Variants in KTN1 observed in about 807,000 individuals in gnomAD.
KTN1 encodes kinectin 1.
Under a neutral mutation model 222.5 loss-of-function variants are expected in KTN1, and 130 were observed. The observed-to-expected ratio is 0.58, with a 90% CI of 0.51 to 0.68. The LOEUF is 0.68. Among genes scored for constraint, KTN1 ranks in the 30% least tolerant of loss-of-function variants. The pLI, the probability that KTN1 is intolerant of heterozygous loss-of-function variation, is 0.00. For missense variants in KTN1, 1,508 were observed against 1,500.4 expected (o/e 1.01, Z -0.08); for synonymous variants, 512 against 496.3 (o/e 1.03, Z -0.42).
At chr14:55,619,456 A>G in intron 5 of KTN1, 144 bp downstream of exon 5, 2 of 735,688 alleles carry the variant, frequency 2.7e-6, no homozygotes, top group East Asian at 2.5e-5. Context: ...AAATTACTTT[A>G]TATATCGTAT....
At chr14:55,644,170 T>TG in intron 18 of KTN1, 4 of 426,690 alleles carry the variant, frequency 9.4e-6, no homozygotes, top group Admixed American at 3.9e-5. Flanking sequence ...CCTCTAGTCG[T>TG]TTTTATTGTT....
chr14:55,673,432 C>A (rs1275715408), intron 40 of KTN1, 177 bp downstream of exon 40: 1 of 418,206 alleles, frequency 2.4e-6, no homozygotes, highest in African/African-American at 2.0e-5. Context: ...TTTCTTGACT[C>A]CTAAAATGAT....
rs1595337158 is a variant in KTN1, at chr14:55,678,684, A to G, written c.3948+240A>G. The G allele has an allele frequency of 9.6e-6, 4 of 416,926 alleles. No homozygotes were observed. The East Asian group carries it at 1.7e-4, about 18-fold the overall frequency. 25.8% of individuals were successfully genotyped at this position (416,926 alleles called of 1,614,324 possible). ...AATTCCTGGACTGTGGACAGGTACC[A>G]GTCAATGGCTTTTTAGGAACCAGGC... On this transcript the variant is annotated intron_variant, in intron 42 of 43. Transcript: ENST00000395314.
chr14:55,646,982 G>A lies in KTN1; in HGVS notation c.2182G>A (p.Asp728Asn). 6.5e-7 allele frequency: 1 copy of A among 1,534,610 alleles called. No homozygotes were observed. The highest frequency in any genetic ancestry group is 9.0e-7 in the Non-Finnish European group (1 of 1,110,844). ...QTLVSEQPNK[D>N]VVEQMEKCIQ... is the part of the protein sequence containing the mutation. ...GTGATTTTTATTTTAGCCTAATAAG[G>A]ATGTTGTGGAACAAATGGAAAAATG... Residue 728 changes from aspartate (D) to asparagine (N), a missense_variant, in exon 19 of 44, where the codon GAT (aspartate) becomes AAT (asparagine). By Grantham distance (23) the Asp-to-Asn change is conservative (BLOSUM62 1). Coordinates refer to ENST00000395314, the MANE Select transcript of KTN1 (RefSeq NM_001079521.2).
chr14:55,648,905 G>A (rs764199452), intron 21 of KTN1, 35 bp downstream of exon 21: 4 of 1,356,312 alleles, frequency 2.9e-6, no homozygotes, highest in Middle Eastern at 1.9e-4. Flanking sequence ...CTTTGTCTCT[G>A]TGTTTTTTGT....
chr14:55,636,871 T>C (rs1651178501), intron 10 of KTN1, among the ~76,000 whole-genome samples: 1 of 152,020 alleles, frequency 6.6e-6, no homozygotes, highest in African/African-American at 2.4e-5. Context: ...ACTCACTTCT[T>C]ATTTTGAAGA....
chr14:55,593,446 C>CCCCAA (rs1555357160), intron 1 of KTN1, among the ~76,000 whole-genome samples: 30 of 120,560 alleles, frequency 2.5e-4, no homozygotes, highest in South Asian at 1.7e-3. Context: ...ACCCCCCCCC[C>CCCCAA]AAAAAAAAAA....
Position 55,616,500 on chromosome 14 carries a change from G to C in KTN1, c.524-17G>C. ...ATTGTTTGCCACAATTATTTTTTTT[G>C]TTTGTGTTTAATAAAGATGACCAGG... is the stretch of plus-strand genomic sequence containing the variant. On this transcript the variant is annotated splice_polypyrimidine_tract_variant and intron_variant, in intron 2 of 43. Coordinates refer to ENST00000395314, the MANE Select transcript of KTN1 (RefSeq NM_001079521.2). 1.3e-6 allele frequency: 2 copies of C among 1,552,662 alleles called. No homozygotes were observed. The highest frequency in any genetic ancestry group is 1.2e-5 in the South Asian group (1 of 81,330).
At chr14:55,597,731 G>C (rs2035289759) in intron 1 of KTN1, among the ~76,000 whole-genome samples, 1 of 152,056 alleles carries the variant, frequency 6.6e-6, no homozygotes, top group South Asian at 2.1e-4. Context: ...GCGGGCACCT[G>C]TAATCTCAGC....
At chr14:55,675,792 T>C in intron 40 of KTN1, 43 bp from the exon 41 acceptor site, 1 of 1,292,756 alleles carries the variant, frequency 7.7e-7, no homozygotes, top group African/African-American at 1.5e-5. Flanking sequence ...AATCAAAGAA[T>C]GATGCAAATT....
chr14:55,676,170 A>C (rs562164163), intron 41 of KTN1, among the ~76,000 whole-genome samples: 1 of 152,186 alleles, frequency 6.6e-6, no homozygotes, highest in Non-Finnish European at 1.5e-5. Context: ...ACAGAGTAAA[A>C]TTTAGTTGGA....
intron 1 of KTN1, among the ~76,000 whole-genome samples, chr14:55,592,121 T>C (rs2034258539): frequency 6.6e-6 from 1 of 152,236 alleles, no homozygotes; most frequent in South Asian, 2.1e-4. Flanking sequence ...TGTAGTTGAA[T>C]TTATCAGTGT....
chr14:55,597,906 T>C (rs1594756222), intron 1 of KTN1, among the ~76,000 whole-genome samples: 1 of 152,170 alleles, frequency 6.6e-6, no homozygotes, highest in Non-Finnish European at 1.5e-5. Context: ...AAATGTAGAC[T>C]ACAGAATAGA....
intron 43 of KTN1, chr14:55,683,078 A>G (rs561597853): frequency 6.6e-6 from 1 of 152,286 alleles, no homozygotes; most frequent in Admixed American, 6.5e-5. Flanking sequence ...CTGAAGTACA[A>G]GAGTTAATGC....
chr14:55,651,874 G>A lies in KTN1; in HGVS notation c.2566-16G>A, dbSNP rs929601864. 1 of 1,520,956 alleles carries A rather than the reference G, an allele frequency of 6.6e-7. No homozygotes were observed. Among genetic ancestry groups the A allele is most frequent in the Non-Finnish European group, 9.1e-7 (1 of 1,102,810 alleles). 94.2% of individuals were successfully genotyped at this position (1,520,956 alleles called of 1,614,324 possible). A position where few individuals can be genotyped will look rare whatever the true frequency, so the allele number is the denominator to read the frequency against. ...GAAAGGATTATTAATTGATTTTTCT[G>A]TCCTTTGTATTTCAGTTATCTATCA... On this transcript the variant is annotated splice_polypyrimidine_tract_variant and intron_variant, in intron 24 of 43. Coordinates refer to ENST00000395314, the MANE Select transcript of KTN1 (RefSeq NM_001079521.2).
intron 1 of KTN1, among the ~76,000 whole-genome samples, chr14:55,603,012 TTA>T (rs2140484909): frequency 6.6e-6 from 1 of 152,334 alleles, no homozygotes; most frequent in South Asian, 2.1e-4. Context: ...GTCTGTGCTT[TTA>T]TATTCTTCCT....
chr14:55,657,336 T>C (rs1258307861), intron 29 of KTN1, among the ~76,000 whole-genome samples: 1 of 152,056 alleles, frequency 6.6e-6, no homozygotes, highest in Non-Finnish European at 1.5e-5. Flanking sequence ...TTTCGTATGT[T>C]CAAGCCATTT....
chr14:55,659,979 G>C (rs750378306), intron 31 of KTN1, among the ~76,000 whole-genome samples: 9 of 151,942 alleles, frequency 5.9e-5, no homozygotes, highest in Non-Finnish European at 1.2e-4. Flanking sequence ...TACTTTGCAG[G>C]GTTTTCTAAA....
intron 1 of KTN1, among the ~76,000 whole-genome samples, chr14:55,597,669 C>T (rs2035279851): frequency 6.6e-6 from 1 of 151,952 alleles, no homozygotes; most frequent in Non-Finnish European, 1.5e-5. Flanking sequence ...GCCTGGCCGA[C>T]ATGGTGAAAC....
Sources: allele counts gnomAD v4.1 joint callset (sites outside exome capture counted in the v4.1 genomes callset), GRCh38; gene constraint gnomAD v4.1.1; transcripts MANE v1.5; gene names NCBI Gene and HGNC (gene_info 2026-07-23, HGNC 2026-07-21).